The following GPC3 variants were observed in gnomAD, a reference collection of about 807,000 sequenced individuals.
The protein encoded by GPC3 is glypican-3.
In GPC3, 3 loss-of-function variants were observed where a neutral mutation model predicts 34.4. That is an observed-to-expected ratio of 0.09 (90% CI 0.04 to 0.23). The LOEUF (loss-of-function observed/expected upper bound fraction) is 0.23. GPC3 is among the 10% of genes least tolerant of loss of function. The pLI is 1.00. For missense variants in GPC3, 351 were observed against 445.6 expected (o/e 0.79, Z 1.91); for synonymous variants, 177 against 174.0 (o/e 1.02, Z -0.13).
intron 2 of GPC3, among the ~76,000 whole-genome samples, chrX:133,949,508 G>A (rs192463288): frequency 9.0e-6 from 1 of 111,654 alleles, no homozygotes; most frequent in African/African-American, 3.2e-5. Context: ...TTTCCTGCTC[G>A]ACCACTATTT....
At chrX:133,912,519 T>C (rs1793482068) in intron 2 of GPC3, among the ~76,000 whole-genome samples, 1 of 109,971 alleles carries the variant, frequency 9.1e-6, no homozygotes, top group Admixed American at 9.7e-5. Flanking sequence ...GGGTTTTTTT[T>C]TTTTTTTGGT....
chrX:133,897,242 G>C (rs113911626), intron 2 of GPC3, among the ~76,000 whole-genome samples: 1 of 94,364 alleles, frequency 1.1e-5, no homozygotes, highest in Non-Finnish European at 2.1e-5. Context: ...TAGAGACAGG[G>C]TCTCACTATG....
At chrX:133,727,121 A>AAATG (rs1409634503) in intron 3 of GPC3, among the ~76,000 whole-genome samples, 1 of 112,407 alleles carries the variant, frequency 8.9e-6, no homozygotes, top group Non-Finnish European at 1.9e-5. Flanking sequence ...GGTGAGGGTT[A>AAATG]AATGAATGAA....
chrX:133,705,962 T>A (rs1024199623), intron 3 of GPC3, among the ~76,000 whole-genome samples: 1 of 112,087 alleles, frequency 8.9e-6, no homozygotes, highest in African/African-American at 3.2e-5. Flanking sequence ...CAAGTAGGTC[T>A]AGCTTGCCAC....
At chrX:133,814,847 C>T (rs915318579) in intron 2 of GPC3, among the ~76,000 whole-genome samples, 7 of 111,679 alleles carry the variant, frequency 6.3e-5, no homozygotes, top group African/African-American at 1.6e-4. Flanking sequence ...GGATTACAGG[C>T]ATGAGCCACT....
chrX:133,536,162 C>T lies in GPC3; in HGVS notation c.1705G>A (p.Ala569Thr), dbSNP rs122453120. ...HSPLKLLTSM[A>T]ISVVCFFFLV... ...AAGAAGAAGCACACCACCGAGATGG[C>T]CATGCTGGTGAGAAGCTTCAGCGGG... The change falls in exon 8 of 8, where the codon GCC (alanine) becomes ACC (threonine). Residue 569 changes from alanine to threonine, a missense_variant. By Grantham distance (58) the Ala-to-Thr change is moderately conservative. Coordinates refer to ENST00000370818, the MANE Select transcript of GPC3 (RefSeq NM_004484.4). The T allele has an allele frequency of 8.3e-6, 10 of 1,207,369 alleles. No individual in the cohort carries two copies. Among genetic ancestry groups the T allele is most frequent in the Non-Finnish European group, 1.1e-5 (10 of 892,688 alleles).
intron 6 of GPC3, among the ~76,000 whole-genome samples, chrX:133,597,908 C>T (rs1250414587): frequency 9.0e-6 from 1 of 110,871 alleles, no homozygotes; most frequent in Non-Finnish European, 1.9e-5. Flanking sequence ...GCTCATCATA[C>T]ACAACTACAT....
intron 6 of GPC3, among the ~76,000 whole-genome samples, chrX:133,635,949 A>C (rs769750097): frequency 5.4e-5 from 6 of 111,215 alleles, no homozygotes; most frequent in Non-Finnish European, 1.1e-4. Context: ...CACTCACTTA[A>C]ATTACTTTTA....
At chrX:133,947,592 C>T (rs924621803) in intron 2 of GPC3, among the ~76,000 whole-genome samples, 1 of 111,978 alleles carries the variant, frequency 8.9e-6, no homozygotes, top group Non-Finnish European at 1.9e-5. Flanking sequence ...GCTTTAAACA[C>T]TCAGTTTCCA....
intron 2 of GPC3, among the ~76,000 whole-genome samples, chrX:133,823,128 C>CAAAAAAAAAAAAAAAA (rs34231185): frequency 5.3e-5 from 1 of 18,859 alleles, no homozygotes; most frequent in African/African-American, 2.2e-4. Context: ...GACTCCGTCT[C>CAAAAAAAAAAAAAAAA]AAAAAAAAAA....
intron 6 of GPC3, among the ~76,000 whole-genome samples, chrX:133,640,506 T>C (rs2070469843): frequency 8.9e-6 from 1 of 112,393 alleles, no homozygotes; most frequent in African/African-American, 3.2e-5. Context: ...TAGGGAACTA[T>C]GTCCCAAAAG....
intron 4 of GPC3, among the ~76,000 whole-genome samples, chrX:133,697,814 G>A (rs368442119): frequency 5.4e-5 from 6 of 112,044 alleles, no homozygotes; most frequent in African/African-American, 1.9e-4. Context: ...AGAGTGGGTG[G>A]GAGTAGGCAT....
At chrX:133,955,719 AT>A (rs1032334289) in intron 1 of GPC3, among the ~76,000 whole-genome samples, 1 of 111,754 alleles carries the variant, frequency 8.9e-6, no homozygotes, top group African/African-American at 3.3e-5. Context: ...TGAAAAAAAA[AT>A]GTGTATATGG....
At chrX:133,610,285 T>C (rs1429305749) in intron 6 of GPC3, among the ~76,000 whole-genome samples, 1 of 111,482 alleles carries the variant, frequency 9.0e-6, no homozygotes, top group Non-Finnish European at 1.9e-5. Flanking sequence ...CTGGGTTTCT[T>C]ACTTGGAATC....
chrX:133,600,044 G>A (rs936564172), intron 6 of GPC3, among the ~76,000 whole-genome samples: 3 of 111,364 alleles, frequency 2.7e-5, no homozygotes, highest in Non-Finnish European at 3.8e-5. Context: ...GCCACTTTCT[G>A]TATGCAATCC....
At chrX:133,768,238 C>T (rs2071871486) in intron 2 of GPC3, among the ~76,000 whole-genome samples, 1 of 111,220 alleles carries the variant, frequency 9.0e-6, no homozygotes, top group Non-Finnish European at 1.9e-5. Flanking sequence ...TACTGAGCAT[C>T]GAGCGCCTAA....
chrX:133,872,848 A>G (rs991825161), intron 2 of GPC3, among the ~76,000 whole-genome samples: 2 of 111,787 alleles, frequency 1.8e-5, no homozygotes, highest in African/African-American at 3.3e-5. Context: ...TGGGGTTAGG[A>G]CATTTATTAC....
At chrX:133,793,846 T>C (rs2075561662) in intron 2 of GPC3, among the ~76,000 whole-genome samples, 1 of 111,701 alleles carries the variant, frequency 9.0e-6, no homozygotes, top group African/African-American at 3.3e-5. Context: ...TTCCTGTTAA[T>C]AAAAAAGTTG....
intron 2 of GPC3, among the ~76,000 whole-genome samples, chrX:133,828,328 T>C (rs1333130308): frequency 9.1e-6 from 1 of 110,425 alleles, no homozygotes; most frequent in Non-Finnish European, 1.9e-5. Flanking sequence ...AGCTAATTTT[T>C]GTATTTTTAG....
Sources: gnomAD v4.1 joint callset for allele counts (sites outside exome capture counted in the v4.1 genomes callset) on GRCh38, gnomAD v4.1.1 for gene constraint, MANE v1.5 for transcripts, NCBI Gene and HGNC (gene_info 2026-07-23, HGNC 2026-07-21) for gene names.